Variants in STK39 observed in about 807,000 individuals in gnomAD.
STK39 encodes the protein STE20/SPS1-related proline-alanine-rich protein kinase.
Under a neutral mutation model 77.8 loss-of-function variants are expected in STK39, and 20 were observed. The observed-to-expected ratio is 0.26, with a 90% CI of 0.18 to 0.37. The LOEUF is 0.37. Among genes scored for constraint, STK39 ranks in the 10% least tolerant of loss-of-function variants. The pLI is 1.00. For synonymous variants in STK39, 246 were observed against 234.1 expected (o/e 1.05, Z -0.47); for missense variants, 479 against 656.5 (o/e 0.73, Z 2.95).
At chr2:168,040,625 T>G (rs1420269165) in intron 14 of STK39, among the ~76,000 whole-genome samples, 1 of 152,228 alleles carries the variant, frequency 6.6e-6, no homozygotes, top group Non-Finnish European at 1.5e-5. Context: ...TTTCTTCACC[T>G]AGAATTTTAA....
chr2:168,099,569 T>C (rs1686766549), intron 10 of STK39, among the ~76,000 whole-genome samples: 1 of 152,200 alleles, frequency 6.6e-6, no homozygotes, highest in Non-Finnish European at 1.5e-5. Flanking sequence ...GCTGTACCTA[T>C]AGGGGACCAA....
intron 17 of STK39, among the ~76,000 whole-genome samples, chr2:167,958,192 G>C (rs1196494172): frequency 6.6e-6 from 1 of 152,214 alleles, no homozygotes; most frequent in Non-Finnish European, 1.5e-5. Flanking sequence ...ACTCCAAAAA[G>C]TGTCTGCTTA....
intron 16 of STK39, among the ~76,000 whole-genome samples, chr2:167,999,934 G>A (rs1325654652): frequency 7.9e-5 from 12 of 152,166 alleles, no homozygotes; most frequent in Non-Finnish European, 1.8e-4. Context: ...TCCCCTTGTG[G>A]GCACTGGTGT....
At chr2:168,180,438 A>T (rs908819693) in intron 2 of STK39, among the ~76,000 whole-genome samples, 5 of 151,240 alleles carry the variant, frequency 3.3e-5, no homozygotes, top group African/African-American at 1.2e-4. Flanking sequence ...CACACTCCAA[A>T]TTTTTTTTTT....
intron 1 of STK39, among the ~76,000 whole-genome samples, chr2:168,235,241 T>C (rs986830191): frequency 6.6e-6 from 1 of 152,038 alleles, no homozygotes; most frequent in African/African-American, 2.4e-5. Context: ...GGTTTCACCA[T>C]ATTGGCAAGG....
At chr2:168,113,804 C>T (rs916651153) in intron 10 of STK39, among the ~76,000 whole-genome samples, 4 of 152,180 alleles carry the variant, frequency 2.6e-5, no homozygotes, top group Admixed American at 2.0e-4. Flanking sequence ...GTTTCAGAAC[C>T]ACTGAACTAG....
chr2:167,983,156 G>A (rs1388052489), intron 16 of STK39, among the ~76,000 whole-genome samples: 2 of 152,092 alleles, frequency 1.3e-5, no homozygotes, highest in Non-Finnish European at 2.9e-5. Context: ...TCTCATTATG[G>A]TTAGAAGAAT....
intron 16 of STK39, among the ~76,000 whole-genome samples, chr2:167,995,750 G>C (rs751476286): frequency 6.6e-6 from 1 of 152,122 alleles, no homozygotes; most frequent in African/African-American, 2.4e-5. Context: ...ATTTAGGCTC[G>C]GTATAAAGCC....
intron 1 of STK39, among the ~76,000 whole-genome samples, chr2:168,206,137 C>T (rs941973347): frequency 3.3e-5 from 5 of 152,290 alleles, no homozygotes; most frequent in Admixed American, 3.3e-4. Flanking sequence ...CAGCAATGTC[C>T]TCATGAGGGC....
At chr2:168,043,061 T>C (rs1372950663) in intron 14 of STK39, among the ~76,000 whole-genome samples, 1 of 152,160 alleles carries the variant, frequency 6.6e-6, no homozygotes, top group Non-Finnish European at 1.5e-5. Context: ...TTAAGAACTA[T>C]TATCTACCTG....
chr2:167,981,556 A>G (rs1040096694), intron 16 of STK39, among the ~76,000 whole-genome samples: 2 of 152,236 alleles, frequency 1.3e-5, no homozygotes, highest in Admixed American at 1.3e-4. Flanking sequence ...GAAAGTGAAA[A>G]GAACTTATGG....
chr2:168,155,353 G>A (rs1478555145), intron 5 of STK39, among the ~76,000 whole-genome samples: 1 of 152,074 alleles, frequency 6.6e-6, no homozygotes, highest in Non-Finnish European at 1.5e-5. Flanking sequence ...TACATTCTTG[G>A]TTCATTCTAG....
chr2:168,200,989 A>G (rs1301561859), intron 1 of STK39, among the ~76,000 whole-genome samples: 1 of 152,208 alleles, frequency 6.6e-6, no homozygotes, highest in Non-Finnish European at 1.5e-5. Context: ...AGCAACCCAG[A>G]ACAACCTAGC....
At chr2:168,072,902 C>T (rs1296910765) in intron 12 of STK39, among the ~76,000 whole-genome samples, 3 of 152,144 alleles carry the variant, frequency 2.0e-5, no homozygotes, top group African/African-American at 7.2e-5. Flanking sequence ...AGAAGCTGTG[C>T]AATAGCAGGT....
intron 14 of STK39, among the ~76,000 whole-genome samples, chr2:168,037,220 T>C (rs1375806264): frequency 6.6e-6 from 1 of 152,196 alleles, no homozygotes; most frequent in African/African-American, 2.4e-5. Flanking sequence ...TCTGCAAAGA[T>C]GCAAAATACA....
chr2:168,162,224 T>C lies in STK39; in HGVS notation c.573-382A>G, dbSNP rs562286042. ...TCACTTGAACCTGGGAGGTGGAGGC[T>C]GCAGTGAGCCAACACCGTGCCACTG... is the stretch of plus-strand genomic sequence containing the variant. On this transcript the variant is annotated intron_variant, in intron 4 of 17. Transcript: ENST00000355999. Among the ~76,000 whole-genome samples the C allele has an allele frequency of 5.0e-5, 7 of 140,670 alleles. No homozygotes were observed. In the South Asian group the frequency reaches 1.3e-3, roughly 27 times the overall value. The allele number at this position is 140,670 out of a possible 152,430, so 92.3% of individuals were successfully genotyped here. A position where few individuals can be genotyped will look rare whatever the true frequency, so the allele number is the denominator to read the frequency against.
At chr2:168,240,504 AAAG>A (rs765335235) in intron 1 of STK39, among the ~76,000 whole-genome samples, 4 of 152,264 alleles carry the variant, frequency 2.6e-5, no homozygotes, top group Non-Finnish European at 5.9e-5. Context: ...GAGTCAAATC[AAAG>A]AAGATCTCAA....
At chr2:168,110,229 T>C (rs1687086153) in intron 10 of STK39, among the ~76,000 whole-genome samples, 1 of 152,154 alleles carries the variant, frequency 6.6e-6, no homozygotes, top group Admixed American at 6.5e-5. Flanking sequence ...AATATTTATT[T>C]ATTTTTGTTT....
Position 168,197,147 on chromosome 2 carries a change from G to A in STK39, c.209-15057C>T, listed in dbSNP as rs573116561. 1.8e-4 allele frequency among the ~76,000 whole-genome samples: 28 copies of A among 152,296 alleles called. No individual in the cohort carries two copies. In the South Asian group the frequency reaches 5.4e-3, roughly 29 times the overall value. ...TGTAGATGTGCGGGCATGAATCAACGATGGCAAGTGCTAGGGTAGACAAAG... is the reference window on the plus strand; with the variant it reads ...TGTAGATGTGCGGGCATGAATCAACAATGGCAAGTGCTAGGGTAGACAAAG... On this transcript the variant is annotated intron_variant, in intron 1 of 17. Transcript: ENST00000355999.
Sources: gnomAD v4.1 joint callset for allele counts (sites outside exome capture counted in the v4.1 genomes callset) on GRCh38, gnomAD v4.1.1 for gene constraint, MANE v1.5 for transcripts, NCBI Gene and HGNC (gene_info 2026-07-23, HGNC 2026-07-21) for gene names.